The following PYGB variants were observed in gnomAD, a reference collection of about 807,000 sequenced individuals.
PYGB encodes glycogen phosphorylase, brain form.
A neutral mutation model predicts 94.3 loss-of-function variants in PYGB; 82 were observed. The ratio of observed to expected loss-of-function variants is 0.87; its 90% CI spans 0.73 to 1.04. The LOEUF is 1.04. Ranked by LOEUF, PYGB falls within the 50% of genes least tolerant of loss-of-function variation. The pLI is 0.00. For missense variants in PYGB, 1,132 were observed against 1,158.2 expected, an observed-to-expected ratio of 0.98 and a Z score of 0.33; for synonymous variants, 488 against 479.1, an observed-to-expected ratio of 1.02 and a Z score of -0.24.
rs758037680 is a variant in PYGB at position 25,279,121 on chromosome 20, T to C, written c.1064T>C (p.Val355Ala). The C allele has an allele frequency of 5.6e-6, 9 of 1,613,862 alleles. No homozygotes were observed. The South Asian group carries it at 9.9e-5, about 18-fold the overall frequency. ...LSIPELMRIL[V>A]DVEKVDWDKA... ...ATCCCTGAGCTCATGCGGATCCTGG[T>C]GGACGTGGAGAAGGTGGACTGGGAC... The change falls in exon 9 of 20, where the codon GTG becomes GCG. Residue 355 changes from valine (V) to alanine (A), a missense_variant. Val to Ala is a moderately conservative substitution (Grantham distance 64). Transcript: ENST00000216962.
At chr20:25,277,222 A>C (rs757223628) in intron 6 of PYGB, 22 bp from the exon 7 acceptor site, 3 of 1,530,306 alleles carry the variant, frequency 2.0e-6, no homozygotes, top group Non-Finnish European at 2.7e-6. Flanking sequence ...GTGTGTGTTG[A>C]CCCCGCTCCA....
intron 4 of PYGB, among the ~76,000 whole-genome samples, chr20:25,273,201 C>T (rs1379761592): frequency 1.3e-5 from 2 of 152,250 alleles, no homozygotes; most frequent in Admixed American, 1.3e-4. Flanking sequence ...AAGGGAGACT[C>T]AGGCTGCCTT....
In PYGB at chr20:25,277,239, C is replaced by G. The variant is rs1450296188; in HGVS notation, c.773-5C>G. On this transcript the variant is annotated splice_polypyrimidine_tract_variant and splice_region_variant and intron_variant, in intron 6 of 19. Transcript: ENST00000216962. ...GTGTGTTGACCCCGCTCCATTTCTT[C>G]TTAGTCAACGTGGGAGACTACATCG... 1 of 1,553,288 alleles carries G rather than the reference C, an allele frequency of 6.4e-7. No individual in the cohort carries two copies. The highest frequency in any genetic ancestry group is 1.7e-5 in the Admixed American group (1 of 59,906).
At position 25,248,162 on chromosome 20, in the gene PYGB, C is replaced by T. The variant is rs1323987070; in HGVS notation, c.-17C>T. The T allele has an allele frequency of 1.9e-6, 3 of 1,581,042 alleles. No homozygotes were observed. The highest frequency in any genetic ancestry group is 1.4e-5 in the African/African-American group (1 of 72,758). On this transcript the variant is annotated 5_prime_UTR_variant, in exon 1 of 20. Transcript: ENST00000216962. Reference sequence around the variant, plus strand: ...GCTTTCCTCCTCCATCTCTTTTCCTCCGCCTCCGCCGGCGCGATGGCGAAG... The same window carrying T: ...GCTTTCCTCCTCCATCTCTTTTCCTTCGCCTCCGCCGGCGCGATGGCGAAG...
At chr20:25,272,128 C>G (rs1364257722) in intron 4 of PYGB, among the ~76,000 whole-genome samples, 2 of 152,334 alleles carry the variant, frequency 1.3e-5, no homozygotes, top group East Asian at 3.9e-4. Flanking sequence ...GAGCAGCTCC[C>G]TTCCCATGTG....
intron 1 of PYGB, among the ~76,000 whole-genome samples, chr20:25,248,667 C>A (rs1054682741): frequency 7.0e-6 from 1 of 143,454 alleles, no homozygotes; most frequent in Admixed American, 6.7e-5. Context: ...CGGGGTCCGC[C>A]GTCCCCCGCA....
chr20:25,279,235 C>T, intron 9 of PYGB, 86 bp downstream of exon 9: 2 of 1,364,644 alleles, frequency 1.5e-6, no homozygotes, highest in Non-Finnish European at 2.0e-6. Context: ...TGGGGGGCCT[C>T]TTCCCTGGCC....
chr20:25,264,325 G>A (rs956489016), intron 2 of PYGB, among the ~76,000 whole-genome samples: 2 of 152,174 alleles, frequency 1.3e-5, no homozygotes, highest in Non-Finnish European at 2.9e-5. Context: ...ATATCATAGT[G>A]AATGGGCAAA....
chr20:25,279,289 T>G, intron 9 of PYGB, 140 bp downstream of exon 9: 1 of 896,274 alleles, frequency 1.1e-6, no homozygotes, highest in Non-Finnish European at 1.7e-6. Context: ...AGACGCGAGC[T>G]GTGGGAGGGG....
intron 2 of PYGB, among the ~76,000 whole-genome samples, chr20:25,267,881 C>G (rs961210750): frequency 6.6e-6 from 1 of 152,044 alleles, no homozygotes; most frequent in Non-Finnish European, 1.5e-5. Context: ...ATTTGCCCTC[C>G]TAGGTAGGAA....
At chr20:25,290,652 AACTC>A (rs1568698634) in intron 16 of PYGB, 30 bp downstream of exon 16, 13 of 1,585,088 alleles carry the variant, frequency 8.2e-6, no homozygotes, top group Non-Finnish European at 1.1e-5. Flanking sequence ...TTGGACAGAA[AACTC>A]ACTCCTGCCG....
intron 12 of PYGB, 109 bp from the exon 13 acceptor site, chr20:25,283,067 C>A (rs2088383026): frequency 4.3e-6 from 4 of 924,644 alleles, no homozygotes; most frequent in Non-Finnish European, 3.4e-6. Flanking sequence ...ACAAGCAGAT[C>A]CCAGGGGAAA....
chr20:25,272,152 G>C (rs2088273523), intron 4 of PYGB, among the ~76,000 whole-genome samples: 1 of 152,232 alleles, frequency 6.6e-6, no homozygotes, highest in Non-Finnish European at 1.5e-5. Flanking sequence ...CAGAATGAAA[G>C]TCACCACTAT....
intron 14 of PYGB, 37 bp from the exon 15 acceptor site, chr20:25,288,388 C>T (rs770402445): frequency 3.1e-6 from 5 of 1,613,188 alleles, no homozygotes; most frequent in South Asian, 2.2e-5. Context: ...GTCCGGCTCG[C>T]GGTGCCTTGT....
chr20:25,266,960 A>T (rs548323156), intron 2 of PYGB, among the ~76,000 whole-genome samples: 1 of 152,362 alleles, frequency 6.6e-6, no homozygotes, highest in Non-Finnish European at 1.5e-5. Flanking sequence ...TAGAATTCTC[A>T]TGTAGCCTAG....
intron 1 of PYGB, among the ~76,000 whole-genome samples, chr20:25,256,396 A>G (rs1483234478): frequency 6.6e-6 from 1 of 152,002 alleles, no homozygotes; most frequent in Non-Finnish European, 1.5e-5. Context: ...TAAAAAAAAA[A>G]AAGTGGAGGG....
At chr20:25,294,020 T>C (rs1480117457) in intron 17 of PYGB, 138 bp from the exon 18 acceptor site, 27 of 1,195,718 alleles carry the variant, frequency 2.3e-5, no homozygotes, top group Non-Finnish European at 3.0e-5. Flanking sequence ...GGCCACTGGC[T>C]GCTGCCCTGG....
chr20:25,284,502 C>A (rs1462714991), intron 14 of PYGB, among the ~76,000 whole-genome samples: 11 of 152,242 alleles, frequency 7.2e-5, no homozygotes, highest in Admixed American at 7.2e-4. Context: ...GGTGCCATCA[C>A]GGCTCACTGC....
chr20:25,258,879 A>C (rs572513149), intron 1 of PYGB, among the ~76,000 whole-genome samples: 217 of 152,376 alleles, frequency 1.4e-3, no homozygotes, highest in African/African-American at 5.0e-3. Flanking sequence ...CCAAGGGCAC[A>C]TGGCTGGTAA....
Sources: allele counts gnomAD v4.1 joint callset (sites outside exome capture counted in the v4.1 genomes callset), GRCh38; gene constraint gnomAD v4.1.1; transcripts MANE v1.5; gene names NCBI Gene and HGNC (gene_info 2026-07-23, HGNC 2026-07-21).